CENPP: variants seen among roughly 807,000 people sequenced by gnomAD.
CENPP encodes the protein centromere protein P.
In CENPP, 24 loss-of-function variants were observed where a neutral mutation model predicts 35.6. The ratio of observed to expected loss-of-function variants is 0.67; its 90% CI spans 0.49 to 0.95. The LOEUF is 0.95. Ranked by LOEUF, CENPP falls within the 40% of genes least tolerant of loss-of-function variation. CENPP has a pLI of 0.00. For synonymous variants in CENPP, 120 were observed against 125.5 expected, an observed-to-expected ratio of 0.96 and a Z score of 0.29; for missense variants, 332 against 345.3, an observed-to-expected ratio of 0.96 and a Z score of 0.31.
rs528628211 is a variant in CENPP at position 92,365,514 on chromosome 9, G to A, written c.468-14249G>A. 4.8e-5 allele frequency among the ~76,000 whole-genome samples: 7 copies of A among 146,566 alleles called. No individual in the cohort carries two copies. The East Asian group carries it at 6.2e-4, about 13-fold the overall frequency. ...CAACCTCCACCTCCTGGGTTCAAGC[G>A]ATTCTCCTGCCTCAGCCTCCTGAGC... is the stretch of plus-strand genomic sequence containing the variant. On this transcript the variant is annotated intron_variant, in intron 4 of 7. Coordinates refer to ENST00000375587, the MANE Select transcript of CENPP (RefSeq NM_001012267.3).
At chr9:92,582,030 GTGTTTTGTTTTGTTTTGTTT>G (rs56879645) in intron 5 of CENPP, among the ~76,000 whole-genome samples, 1 of 149,528 alleles carries the variant, frequency 6.7e-6, no homozygotes, top group Non-Finnish European at 1.5e-5. Flanking sequence ...ACACTTGGTG[GTGTTTTGTTTTGTTTTGTTT>G]TGTTTTGTTT....
chr9:92,544,566 G>T (rs957507583), intron 5 of CENPP, among the ~76,000 whole-genome samples: 1 of 151,434 alleles, frequency 6.6e-6, no homozygotes, highest in Admixed American at 6.6e-5. Context: ...TCATGAGAGG[G>T]TGTTGAATTT....
chr9:92,437,648 G>A (rs1230273496), intron 5 of CENPP, among the ~76,000 whole-genome samples: 4 of 152,180 alleles, frequency 2.6e-5, no homozygotes, highest in South Asian at 4.2e-4. Context: ...GGGCTTAAGC[G>A]ATCCACTCTG....
intron 5 of CENPP, among the ~76,000 whole-genome samples, chr9:92,491,265 A>G (rs1184866091): frequency 6.6e-6 from 1 of 152,186 alleles, no homozygotes; most frequent in Non-Finnish European, 1.5e-5. Context: ...CTACCTAATA[A>G]TACCAGATCT....
At chr9:92,526,667 CAAA>C (rs1848431918) in intron 5 of CENPP, among the ~76,000 whole-genome samples, 1 of 146,696 alleles carries the variant, frequency 6.8e-6, no homozygotes, top group Admixed American at 6.7e-5. Context: ...AGCCTTTAGA[CAAA>C]GAAAAAAAAG....
At chr9:92,509,652 A>G (rs1194182680) in intron 5 of CENPP, among the ~76,000 whole-genome samples, 1 of 152,222 alleles carries the variant, frequency 6.6e-6, no homozygotes, top group East Asian at 1.9e-4. Flanking sequence ...CCTTGTGAAT[A>G]ATAAGAACCT....
At chr9:92,496,403 T>C (rs2131134581) in intron 5 of CENPP, 1 of 1,610,842 alleles carries the variant, frequency 6.2e-7, no homozygotes, top group South Asian at 1.1e-5. Flanking sequence ...AATTTTAATA[T>C]AATTGTTTTC....
chr9:92,441,950 T>C (rs1446330116), intron 5 of CENPP, among the ~76,000 whole-genome samples: 1 of 152,156 alleles, frequency 6.6e-6, no homozygotes, highest in Non-Finnish European at 1.5e-5. Flanking sequence ...AATTGTATTG[T>C]AGTTAATGTT....
intron 4 of CENPP, among the ~76,000 whole-genome samples, chr9:92,351,780 A>G (rs1841451785): frequency 1.3e-5 from 2 of 151,852 alleles, no homozygotes; most frequent in Non-Finnish European, 2.9e-5. Flanking sequence ...ACCCGCTACC[A>G]TGCCCAGCTA....
At chr9:92,422,178 G>A (rs1200228522) in intron 5 of CENPP, among the ~76,000 whole-genome samples, 1 of 151,994 alleles carries the variant, frequency 6.6e-6, no homozygotes, top group Non-Finnish European at 1.5e-5. Flanking sequence ...AGCCTCCTGA[G>A]TAGCTGGGAT....
chr9:92,598,944 C>A (rs1850844509), intron 5 of CENPP, among the ~76,000 whole-genome samples: 1 of 151,792 alleles, frequency 6.6e-6, no homozygotes, highest in East Asian at 1.9e-4. Context: ...CCCATCTCTA[C>A]TAAAAATTAG....
intron 5 of CENPP, among the ~76,000 whole-genome samples, chr9:92,500,434 T>G (rs1023274125): frequency 2.6e-5 from 4 of 152,216 alleles, no homozygotes; most frequent in Non-Finnish European, 5.9e-5. Context: ...CCGCCCGCCT[T>G]GGCGTCCCAA....
chr9:92,450,364 C>G (rs972618767), intron 5 of CENPP, among the ~76,000 whole-genome samples: 5 of 150,276 alleles, frequency 3.3e-5, no homozygotes, highest in South Asian at 4.2e-4. Flanking sequence ...TTTGTTCTTG[C>G]GATAGTTTAC....
rs185894511 is a variant in CENPP, at chr9:92,459,430, C to T, written c.564+79571C>T. On this transcript the variant is annotated intron_variant, in intron 5 of 7. Coordinates refer to ENST00000375587, the MANE Select transcript of CENPP (RefSeq NM_001012267.3). ...GAGAAACCAAAAGATGGAAATGGAT[C>T]CTGAGCTTTCTTGTGACGTCGATGT... 5.9e-5 allele frequency among the ~76,000 whole-genome samples: 9 copies of T among 152,380 alleles called. No individual in the cohort carries two copies. The East Asian group carries it at 1.7e-3, about 29-fold the overall frequency.
chr9:92,603,787 CCT>C (rs1362971502), intron 5 of CENPP, among the ~76,000 whole-genome samples: 1 of 152,170 alleles, frequency 6.6e-6, no homozygotes, highest in African/African-American at 2.4e-5. Context: ...CCATGGTCCC[CCT>C]GCTTTCTCCC....
intron 5 of CENPP, chr9:92,514,773 G>A (rs1206959524): frequency 1.2e-6 from 2 of 1,614,068 alleles, no homozygotes; most frequent in Admixed American, 1.7e-5. Flanking sequence ...CAGGAAGCGG[G>A]GATCGAGAGG....
intron 6 of CENPP, among the ~76,000 whole-genome samples, chr9:92,611,949 T>C (rs1405577794): frequency 6.6e-6 from 1 of 152,232 alleles, no homozygotes; most frequent in Non-Finnish European, 1.5e-5. Flanking sequence ...ATGTGGTCCT[T>C]ATGCAGGCTT....
At chr9:92,371,196 A>G (rs984694031) in intron 4 of CENPP, among the ~76,000 whole-genome samples, 1 of 152,116 alleles carries the variant, frequency 6.6e-6, no homozygotes, top group South Asian at 2.1e-4. Context: ...CTTGAGGTAC[A>G]TTGTTAGATT....
At chr9:92,512,723 GT>G (rs1252500898) in intron 5 of CENPP, among the ~76,000 whole-genome samples, 1 of 152,182 alleles carries the variant, frequency 6.6e-6, no homozygotes, top group Non-Finnish European at 1.5e-5. Flanking sequence ...GTTAAGTTCA[GT>G]AGTCAATTTT....
Sources: allele counts gnomAD v4.1 joint callset (sites outside exome capture counted in the v4.1 genomes callset), GRCh38; gene constraint gnomAD v4.1.1; transcripts MANE v1.5; gene names NCBI Gene and HGNC (gene_info 2026-07-23, HGNC 2026-07-21).